Variants in IGFL3 observed in about 807,000 individuals in gnomAD.
The protein encoded by IGFL3 is IGF like family member 3.
IGFL3 carries 12 observed loss-of-function variants against 17.0 expected under a neutral mutation model. The ratio of observed to expected loss-of-function variants is 0.71; its 90% CI spans 0.45 to 1.14. The LOEUF is 1.14. Ranked by LOEUF, IGFL3 falls within the 50% of genes most tolerant of loss-of-function variation. The pLI is 0.00. For missense variants in IGFL3, 153 were observed against 151.6 expected (o/e 1.01, Z -0.05); for synonymous variants, 52 against 57.4 (o/e 0.91, Z 0.42).
In IGFL3 at chr19:46,123,992, A is replaced by G. The variant is rs1331934558; in HGVS notation, c.244T>C (p.Cys82Arg). ...TCTFWPCFELCCPESFGPQQK... is the reference protein window; with the variant it reads ...TCTFWPCFELRCPESFGPQQK... ...TGGGGGCCAAAAGACTCGGGACAGC[A>G]GAGCTCAAAGCAGGGCCAGAAGGTG... Residue 82 changes from cysteine to arginine, a missense_variant, in exon 3 of 4, where the codon TGC (cysteine) becomes CGC (arginine). Physicochemically the swap from Cys to Arg is radical, Grantham distance 180 (BLOSUM62 -3). Transcript: ENST00000341415. 1 of 1,611,488 alleles carries G rather than the reference A, an allele frequency of 6.2e-7. No individual in the cohort carries two copies. The highest frequency in any genetic ancestry group is 8.5e-7 in the Non-Finnish European group (1 of 1,179,686).
chr19:46,122,365 A>G lies in IGFL3; in HGVS notation c.350+1521T>C, dbSNP rs1222774804. Among the ~76,000 whole-genome samples, 4 of 151,204 alleles carry G rather than the reference A, an allele frequency of 2.6e-5. 1 individual carries two copies. Among genetic ancestry groups the G allele is most frequent in the South Asian group, 2.1e-4 (1 of 4,814 alleles). On this transcript the variant is annotated intron_variant, in intron 3 of 3. Transcript: ENST00000341415. ...AAATATTATAATTTTCTCCCAGCAC[A>G]TCTGTTTACACAGCCTAGTTAGCTA...
intron 3 of IGFL3, among the ~76,000 whole-genome samples, chr19:46,120,616 T>C (rs1971707141): frequency 6.6e-6 from 1 of 150,852 alleles, no homozygotes; most frequent in South Asian, 2.1e-4. Flanking sequence ...ATTAAAAATA[T>C]TGATCTTAAA....
rs1316422598 is a variant in IGFL3, at chr19:46,123,808, A to AGGAGTTCCTCTTCAAGCCCTCTGT, written c.350+54_350+77dup. ...CTTTTGCCGTTAGAACTCCACAAAC[A>AGGAGTTCCTCTTCAAGCCCTCTGT]GGAGTTCCTCTTCAAGCCCTCTGTA... On this transcript the variant is annotated intron_variant, in intron 3 of 3. Transcript: ENST00000341415. The AGGAGTTCCTCTTCAAGCCCTCTGT allele has an allele frequency of 4.1e-6, 6 of 1,447,840 alleles. 1 individual carries two copies. The highest frequency in any genetic ancestry group is 5.6e-6 in the Non-Finnish European group (6 of 1,073,414). 89.7% of individuals were successfully genotyped at this position (1,447,840 alleles called of 1,614,324 possible). A position where few individuals can be genotyped will look rare whatever the true frequency, so the allele number is the denominator to read the frequency against.
rs1971918868 is a variant in IGFL3 at position 46,123,773 on chromosome 19, C to T, written c.350+113G>A. ...TCTTTTTGCTTTCCCCTGCTGCCAC[C>T]AGCCTGACTCTTTTGCCGTTAGAAC... On this transcript the variant is annotated intron_variant, in intron 3 of 3. Coordinates refer to ENST00000341415, the MANE Select transcript of IGFL3 (RefSeq NM_207393.2). 15 of 1,225,806 alleles carry T rather than the reference C, an allele frequency of 1.2e-5. No individual in the cohort carries two copies. In the South Asian group the frequency reaches 2.2e-4, roughly 18 times the overall value. 75.9% of individuals were successfully genotyped at this position (1,225,806 alleles called of 1,614,324 possible). A position where few individuals can be genotyped will look rare whatever the true frequency, so the allele number is the denominator to read the frequency against.
Position 46,124,338 on chromosome 19 carries a change from A to G in IGFL3, c.26-17T>C, listed in dbSNP as rs778969155. On this transcript the variant is annotated splice_polypyrimidine_tract_variant and intron_variant, in intron 1 of 3. Coordinates refer to ENST00000341415, the MANE Select transcript of IGFL3 (RefSeq NM_207393.2). Reference sequence around the variant, plus strand: ...AGACAAGAGCTAAGGGAGAAAGGAAAAAGGTTGAACATGGAGCTGAGAATG... The same window carrying G: ...AGACAAGAGCTAAGGGAGAAAGGAAGAAGGTTGAACATGGAGCTGAGAATG... The G allele has an allele frequency of 1.2e-6, 2 of 1,603,558 alleles. No homozygotes were observed. The highest frequency in any genetic ancestry group is 2.3e-5 in the East Asian group (1 of 44,334).
chr19:46,120,283 C>T lies in IGFL3; in HGVS notation c.*47G>A, dbSNP rs79087494. 9.7e-5 allele frequency: 156 copies of T among 1,609,084 alleles called. 4 individuals carry two copies. In the Middle Eastern group the frequency reaches 1.9e-3, roughly 19 times the overall value. On this transcript the variant is annotated 3_prime_UTR_variant, in exon 4 of 4. Transcript: ENST00000341415. ...TGTAGTCTCCGATGTCCAGCTGCTT[C>T]GTCTCTTCTCCCCTTGTCTGCCGTC...
chr19:46,121,358 C>T (rs1971752921), intron 3 of IGFL3, among the ~76,000 whole-genome samples: 1 of 144,874 alleles, frequency 6.9e-6, no homozygotes, highest in South Asian at 2.2e-4. Flanking sequence ...CATGCCACTG[C>T]ACTCCAGCCT....
At position 46,123,880 on chromosome 19, in the gene IGFL3, C is replaced by G; in HGVS notation, c.350+6G>C. The G allele has an allele frequency of 6.2e-7, 1 of 1,606,624 alleles. No homozygotes were observed. The highest frequency in any genetic ancestry group is 8.5e-7 in the Non-Finnish European group (1 of 1,177,302). On this transcript the variant is annotated splice_donor_region_variant and intron_variant, in intron 3 of 3. Coordinates refer to ENST00000341415, the MANE Select transcript of IGFL3 (RefSeq NM_207393.2). ...CTTTAGTTAAGAGCAAGGTAGGGAC[C>G]TTTACCTGGTACAGCTCCGGGAGAT... is the stretch of plus-strand genomic sequence containing the variant.
In IGFL3 at chr19:46,120,920, A is replaced by G. The variant is rs1337772302; in HGVS notation, c.351-563T>C. 4.6e-5 allele frequency among the ~76,000 whole-genome samples: 7 copies of G among 151,136 alleles called. 2 individuals are homozygous for G. The East Asian group carries it at 1.4e-3, about 30-fold the overall frequency. On this transcript the variant is annotated intron_variant, in intron 3 of 3. Coordinates refer to ENST00000341415, the MANE Select transcript of IGFL3 (RefSeq NM_207393.2). ...TCATCAGTCATGCTGTACCCCATAA[A>G]TACAACTATAATTTGTCAATTTAAA...
At chr19:46,122,427 G>T (rs1395944783) in intron 3 of IGFL3, among the ~76,000 whole-genome samples, 1 of 151,036 alleles carries the variant, frequency 6.6e-6, no homozygotes, top group Non-Finnish European at 1.5e-5. Context: ...GGAACAAATA[G>T]GTGAAGTCAT....
Position 46,120,256 on chromosome 19 carries a change from A to C in IGFL3, c.*74T>G. On this transcript the variant is annotated 3_prime_UTR_variant, in exon 4 of 4. Coordinates refer to ENST00000341415, the MANE Select transcript of IGFL3 (RefSeq NM_207393.2). ...TCAAGTTGCTTCTCTCCGAAGTTCA[A>C]CTGTAGTCTCCGATGTCCAGCTGCT... is the stretch of plus-strand genomic sequence containing the variant. 6.2e-7 allele frequency: 1 copy of C among 1,600,830 alleles called. No individual in the cohort carries two copies. Among genetic ancestry groups the C allele is most frequent in the Non-Finnish European group, 8.5e-7 (1 of 1,174,986 alleles).
In IGFL3 at chr19:46,120,777, T is replaced by C. The variant is rs1053195105; in HGVS notation, c.351-420A>G. Among the ~76,000 whole-genome samples the C allele has an allele frequency of 1.3e-4, 19 of 150,756 alleles. 1 individual carries two copies. The highest frequency in any genetic ancestry group is 4.7e-4 in the African/African-American group (19 of 40,566). On this transcript the variant is annotated intron_variant, in intron 3 of 3. Transcript: ENST00000341415. The stretch of plus-strand genomic sequence containing the variant: ...TAGCATGATGCATATAGTAAAAAAA[T>C]GTATATTTCAAAACTATTAAGAGAG...
chr19:46,123,483 G>A (rs1333717785), intron 3 of IGFL3, among the ~76,000 whole-genome samples: 1 of 150,778 alleles, frequency 6.6e-6, no homozygotes, highest in African/African-American at 2.5e-5. Flanking sequence ...AAACAAAAAA[G>A]CCACTTTTGA....
chr19:46,124,241 C>T (rs1971960398), intron 2 of IGFL3, 27 bp downstream of exon 2: 1 of 1,609,496 alleles, frequency 6.2e-7, no homozygotes, highest in Non-Finnish European at 8.5e-7. Context: ...CCTCTTCCCT[C>T]CTCATTTTTC....
At chr19:46,122,877 T>C (rs1971852711) in intron 3 of IGFL3, among the ~76,000 whole-genome samples, 2 of 150,852 alleles carry the variant, frequency 1.3e-5, no homozygotes, top group South Asian at 4.2e-4. Flanking sequence ...GTATTCCTAG[T>C]CTACTTGATT....
Position 46,124,054 on chromosome 19 carries a change from A to C in IGFL3, c.182T>G (p.Leu61Ter). Residue 61 changes from leucine (L) to a stop codon, truncating the protein, a stop_gained, in exon 3 of 4, where the codon TTA (leucine) becomes TGA (stop). Coordinates refer to ENST00000341415, the MANE Select transcript of IGFL3 (RefSeq NM_207393.2). LOFTEE classifies it high-confidence loss of function. The stretch of plus-strand genomic sequence containing the variant: ...ACAGCGGCGGGTCTCCTTTAAGGAT[A>C]AGATGGCATCATCATAACAGCACTG... Reference protein sequence around the residue: ...SEQCCYDDAILSLKETRRCGS... With the variant: ...SEQCCYDDAI 6.2e-7 allele frequency: 1 copy of C among 1,611,624 alleles called. No homozygotes were observed. The highest frequency in any genetic ancestry group is 8.5e-7 in the Non-Finnish European group (1 of 1,179,696).
chr19:46,121,003 A>G (rs1190834728), intron 3 of IGFL3, among the ~76,000 whole-genome samples: 1 of 150,700 alleles, frequency 6.6e-6, no homozygotes, highest in Non-Finnish European at 1.5e-5. Flanking sequence ...TTCATATCCA[A>G]CTTGTAGCCC....
In IGFL3 at chr19:46,120,267, C is replaced by T. The variant is rs926417166; in HGVS notation, c.*63G>A. The T allele has an allele frequency of 1.6e-5, 25 of 1,605,616 alleles. 1 individual carries two copies. The highest frequency in any genetic ancestry group is 1.5e-4 in the Admixed American group (9 of 58,858). On this transcript the variant is annotated 3_prime_UTR_variant, in exon 4 of 4. Coordinates refer to ENST00000341415, the MANE Select transcript of IGFL3 (RefSeq NM_207393.2). ...CTCTCCGAAGTTCAACTGTAGTCTC[C>T]GATGTCCAGCTGCTTCGTCTCTTCT...
At position 46,122,583 on chromosome 19, in the gene IGFL3, T is replaced by C. The variant is rs567109600; in HGVS notation, c.350+1303A>G. Reference sequence around the variant, plus strand: ...GATTTTTTTGGTAAAGTTTACTGCCTGAAAAGAGTTTAATAAAGAACATCC... The same window carrying C: ...GATTTTTTTGGTAAAGTTTACTGCCCGAAAAGAGTTTAATAAAGAACATCC... On this transcript the variant is annotated intron_variant, in intron 3 of 3. Coordinates refer to ENST00000341415, the MANE Select transcript of IGFL3 (RefSeq NM_207393.2). Among the ~76,000 whole-genome samples the C allele has an allele frequency of 7.0e-4, 106 of 151,232 alleles. 3 individuals are homozygous for C. Among genetic ancestry groups the C allele is most frequent in the African/African-American group, 2.4e-3 (100 of 40,854 alleles).
Sources: allele counts gnomAD v4.1 joint callset (sites outside exome capture counted in the v4.1 genomes callset), GRCh38; gene constraint gnomAD v4.1.1; transcripts MANE v1.5; gene names NCBI Gene and HGNC (gene_info 2026-07-23, HGNC 2026-07-21).